The following DICER1 variants were observed in gnomAD, a reference collection of about 807,000 sequenced individuals.
The protein encoded by DICER1 is endoribonuclease Dicer.
In DICER1, 43 loss-of-function variants were observed where a neutral mutation model predicts 194.1. The ratio of observed to expected loss-of-function variants is 0.22; its 90% CI spans 0.17 to 0.29. The LOEUF (loss-of-function observed/expected upper bound fraction) is 0.29. Ranked by LOEUF, DICER1 falls within the 10% of genes least tolerant of loss-of-function variation. The pLI is 1.00. For missense variants in DICER1, 1,608 were observed against 2,317.0 expected (o/e 0.69, Z 6.28); for synonymous variants, 832 against 820.5 (o/e 1.01, Z -0.24).
At chr14:95,127,887 G>GGTGTTCAAAATACTCATGAAACTCA (rs1380855721) in intron 6 of DICER1, among the ~76,000 whole-genome samples, 5 of 152,192 alleles carry the variant, frequency 3.3e-5, no homozygotes, top group African/African-American at 1.2e-4. Context: ...GAGGAACAAG[G>GGTGTTCAAAATACTCATGAAACTCA]GTGTTCAAAA....
intron 8 of DICER1, among the ~76,000 whole-genome samples, chr14:95,118,241 A>C (rs1354890125): frequency 6.6e-6 from 1 of 152,218 alleles, no homozygotes; most frequent in Non-Finnish European, 1.5e-5. Context: ...TACAGAAAGG[A>C]CCAGTGAGCC....
intron 1 of DICER1, among the ~76,000 whole-genome samples, chr14:95,139,333 G>A (rs1209004074): frequency 6.6e-6 from 1 of 152,318 alleles, no homozygotes; most frequent in East Asian, 1.9e-4. Context: ...TATAGGAGCT[G>A]CATATCTTAC....
At chr14:95,109,587 G>A (rs1268458256) in intron 14 of DICER1, among the ~76,000 whole-genome samples, 1 of 152,188 alleles carries the variant, frequency 6.6e-6, no homozygotes. Flanking sequence ...CATGAAACTA[G>A]TCTCACGTGA....
Position 95,124,262 on chromosome 14 carries a change from G to A in DICER1, c.1310C>T (p.Pro437Leu), listed in dbSNP as rs2140201422. The A allele has an allele frequency of 1.2e-6, 2 of 1,613,914 alleles. No individual in the cohort carries two copies. The change falls in exon 8 of 27, where the codon CCT (proline) becomes CTT (leucine). Residue 437 changes from proline to leucine, a missense_variant. By Grantham distance (98) the Pro-to-Leu change is moderately conservative. Transcript: ENST00000343455. The surrounding 1 kb of genome is among the most constrained non-coding windows in gnomAD (Gnocchi z 4.5). ...AATTCCGCACAAAATGTTGGTAAAAGGAGAAGGAAAATTTGTCTCTGGCTT... is the reference window on the plus strand; with the variant it reads ...AATTCCGCACAAAATGTTGGTAAAAAGAGAAGGAAAATTTGTCTCTGGCTT... ...KEKPETNFPS[P>L]FTNILCGIIF...
chr14:95,102,855 T>C (rs1049012319), intron 21 of DICER1, among the ~76,000 whole-genome samples: 1 of 152,204 alleles, frequency 6.6e-6, no homozygotes, highest in Non-Finnish European at 1.5e-5. Flanking sequence ...TCTGTGAAGC[T>C]TGTTACTCTT....
chr14:95,157,707 G>T (rs572262415), upstream of DICER1: 4 of 152,452 alleles, frequency 2.6e-5, no homozygotes, highest in African/African-American at 9.6e-5. Context: ...GCGGCCCAGC[G>T]CCTGGACTGG....
At chr14:95,121,616 C>T (rs1892943995) in intron 8 of DICER1, among the ~76,000 whole-genome samples, 2 of 152,138 alleles carry the variant, frequency 1.3e-5, no homozygotes, top group African/African-American at 4.8e-5. Context: ...TCACACAATA[C>T]TAGTATATTA....
At position 95,106,262 on chromosome 14, in the gene DICER1, G is replaced by T. The variant is rs1484367262; in HGVS notation, c.2805-39C>A. The T allele has an allele frequency of 5.4e-6, 8 of 1,470,432 alleles. No homozygotes were observed. The highest frequency in any genetic ancestry group is 1.7e-5 in the Admixed American group (1 of 59,412). The allele number at this position is 1,470,432 out of a possible 1,614,324, so 91.1% of individuals were successfully genotyped here. On this transcript the variant is annotated intron_variant, in intron 17 of 26. Transcript: ENST00000343455. ...ACAAAAAAACAATCAGTTGCTTTTTGATTTAAATCAACTATTCTCAAAATA... is the reference window on the plus strand; with the variant it reads ...ACAAAAAAACAATCAGTTGCTTTTTTATTTAAATCAACTATTCTCAAAATA...
At chr14:95,136,502 G>A (rs909912530) in intron 1 of DICER1, 2 of 152,046 alleles carry the variant, frequency 1.3e-5, no homozygotes, top group Non-Finnish European at 2.9e-5. Context: ...GCATCACCAC[G>A]ACTGGCTAAT....
intron 2 of DICER1, 27 bp from the exon 3 acceptor site, chr14:95,132,704 T>C (rs1595466854): frequency 6.2e-7 from 1 of 1,609,718 alleles, no homozygotes. Context: ...AAAAAAGTTA[T>C]GCACTTCTTA....
chr14:95,119,576 A>C (rs1892765948), intron 8 of DICER1, among the ~76,000 whole-genome samples: 1 of 152,228 alleles, frequency 6.6e-6, no homozygotes, highest in Admixed American at 6.5e-5. Context: ...AGAAAAAATA[A>C]GACAATGTAT....
chr14:95,105,584 C>T lies in DICER1; in HGVS notation c.3093+94G>A. 1.0e-6 allele frequency: 1 copy of T among 980,226 alleles called. No individual in the cohort carries two copies. Among genetic ancestry groups the T allele is most frequent in the South Asian group, 1.4e-5 (1 of 71,922 alleles). 60.7% of individuals were successfully genotyped at this position (980,226 alleles called of 1,614,324 possible). A position where few individuals can be genotyped will look rare whatever the true frequency, so the allele number is the denominator to read the frequency against. On this transcript the variant is annotated intron_variant, in intron 19 of 26. Transcript: ENST00000343455. This position sits in a 1 kb window ranked among gnomAD's most constrained non-coding sequence, Gnocchi z 4.9. ...ACTTCTAAAAAATTAACGAATCATG[C>T]ATTTAACTTGGTAAGATAAAATTCA...
chr14:95,152,031 G>A (rs1288237443), intron 1 of DICER1, among the ~76,000 whole-genome samples: 1 of 152,178 alleles, frequency 6.6e-6, no homozygotes, highest in African/African-American at 2.4e-5. Context: ...CAACCGGTTT[G>A]TTTTCTTAAA....
chr14:95,122,115 T>C (rs1892982693), intron 8 of DICER1, among the ~76,000 whole-genome samples: 1 of 152,190 alleles, frequency 6.6e-6, no homozygotes, highest in Non-Finnish European at 1.5e-5. Flanking sequence ...CAGAGCACTC[T>C]TGATTCATCA....
At position 95,124,050 on chromosome 14, in the gene DICER1, C is replaced by G. The variant is rs1482488932; in HGVS notation, c.1376+146G>C. On this transcript the variant is annotated intron_variant, in intron 8 of 26. Transcript: ENST00000343455. The surrounding 1 kb of genome is among the most constrained non-coding windows in gnomAD (Gnocchi z 4.5). ...AACATCCTCTCTGTCAATCCCAGGACAGCATGACGTATCAGCAATGATGGC... is the reference window on the plus strand; with the variant it reads ...AACATCCTCTCTGTCAATCCCAGGAGAGCATGACGTATCAGCAATGATGGC... 4.5e-6 allele frequency: 3 copies of G among 661,466 alleles called. No individual in the cohort carries two copies. Among genetic ancestry groups the G allele is most frequent in the Non-Finnish European group, 8.0e-6 (3 of 374,712 alleles). 41.0% of individuals were successfully genotyped at this position (661,466 alleles called of 1,614,324 possible). A position where few individuals can be genotyped will look rare whatever the true frequency, so the allele number is the denominator to read the frequency against.
chr14:95,122,915 CGCGTGTGCGCGT>C (rs917298080), intron 8 of DICER1, among the ~76,000 whole-genome samples: 8 of 151,096 alleles, frequency 5.3e-5, no homozygotes, highest in Non-Finnish European at 1.2e-4. Context: ...AGCAGTTAAG[CGCGTGTGCGCGT>C]GCGTGTACGC....
At chr14:95,136,267 G>A (rs924643390) in intron 1 of DICER1, among the ~76,000 whole-genome samples, 2 of 152,172 alleles carry the variant, frequency 1.3e-5, no homozygotes, top group African/African-American at 4.8e-5. Flanking sequence ...ACAAGGACAG[G>A]TGATTCTGGC....
At position 95,090,660 on chromosome 14, in the gene DICER1, C is replaced by T. The variant is rs762650757; in HGVS notation, c.5607G>A (p.Pro1869=). 1.2e-5 allele frequency: 20 copies of T among 1,613,918 alleles called. No individual in the cohort carries two copies. Among genetic ancestry groups the T allele is most frequent in the African/African-American group, 5.3e-5 (4 of 74,854 alleles). The part of the protein sequence containing the change: ...EMEPETAKFS[P]AERTYDGKVR... Reference sequence around the variant, plus strand: ...CCTTCCCGTCGTAAGTTCTCTCAGCCGGGCTGTAAAAAATCCAAACAGCTT... The same window carrying T: ...CCTTCCCGTCGTAAGTTCTCTCAGCTGGGCTGTAAAAAATCCAAACAGCTT... Residue 1869 remains proline (P), a synonymous_variant, in exon 27 of 27, where the codon CCG becomes CCA. Coordinates refer to ENST00000343455, the MANE Select transcript of DICER1 (RefSeq NM_177438.3).
Position 95,132,468 on chromosome 14 carries a change from C to A in DICER1, c.307+47G>T, listed in dbSNP as rs1257862442. 5 of 1,583,746 alleles carry A rather than the reference C, an allele frequency of 3.2e-6. No homozygotes were observed. The Admixed American group carries it at 6.7e-5, about 21-fold the overall frequency. Reference sequence around the variant, plus strand: ...CAGAAAATCTGTTTAAACATAAAATCCCATCCAATTTCCCCTGCACAACTT... The same window carrying A: ...CAGAAAATCTGTTTAAACATAAAATACCATCCAATTTCCCCTGCACAACTT... On this transcript the variant is annotated intron_variant, in intron 3 of 26. Coordinates refer to ENST00000343455, the MANE Select transcript of DICER1 (RefSeq NM_177438.3).
Sources: gnomAD v4.1 joint callset for allele counts (sites outside exome capture counted in the v4.1 genomes callset) on GRCh38, gnomAD v4.1.1 for gene constraint, Gnocchi (gnomAD v3.1) non-coding constraint, MANE v1.5 for transcripts, NCBI Gene and HGNC (gene_info 2026-07-23, HGNC 2026-07-21) for gene names.